ROR1: variants seen among roughly 807,000 people sequenced by gnomAD.
ROR1 encodes the protein inactive tyrosine-protein kinase transmembrane receptor ROR1.
In ROR1, 19 loss-of-function variants were observed where a neutral mutation model predicts 78.8. The ratio of observed to expected loss-of-function variants is 0.24; its 90% confidence interval spans 0.17 to 0.35. The LOEUF (loss-of-function observed/expected upper bound fraction) is 0.35, where lower values mean the gene tolerates loss of function less well. Among genes scored for constraint, ROR1 ranks in the 10% least tolerant of loss-of-function variants. The probability of loss-of-function intolerance (pLI) is 1.00; values close to 1 mark genes in which losing one functional copy is unlikely to be tolerated. For missense variants in ROR1, 917 were observed against 1,177.8 expected (o/e 0.78, Z 3.24); for synonymous variants, 386 against 433.6 (o/e 0.89, Z 1.36).
chr1:64,025,857 C>G (rs1646604868), intron 2 of ROR1, among the ~76,000 whole-genome samples: 1 of 152,078 alleles, frequency 6.6e-6, no homozygotes, highest in African/African-American at 2.4e-5. Flanking sequence ...ACTCTGGAGA[C>G]TTGGGGGAAA....
chr1:64,005,984 G>T (rs867620633), intron 1 of ROR1, among the ~76,000 whole-genome samples: 1 of 152,126 alleles, frequency 6.6e-6, no homozygotes, highest in African/African-American at 2.4e-5. Flanking sequence ...TACAGCCCAA[G>T]AACTGAGTGG....
At chr1:64,029,064 C>T (rs1374099333) in intron 2 of ROR1, 1 of 151,950 alleles carries the variant, frequency 6.6e-6, no homozygotes, top group African/African-American at 2.4e-5. Flanking sequence ...TGTCTTGTTT[C>T]AGTACTAGTT....
chr1:64,045,912 A>T (rs1386853255), intron 2 of ROR1, among the ~76,000 whole-genome samples: 1 of 152,146 alleles, frequency 6.6e-6, no homozygotes, highest in Non-Finnish European at 1.5e-5. Flanking sequence ...CCATCTTGAC[A>T]TTTGCAGTCT....
intron 4 of ROR1, among the ~76,000 whole-genome samples, chr1:64,077,680 G>A (rs561563263): frequency 3.9e-5 from 6 of 152,362 alleles, no homozygotes; most frequent in East Asian, 3.9e-4. Flanking sequence ...GATCCAGCAC[G>A]GTGGTTCTCC....
intron 1 of ROR1, among the ~76,000 whole-genome samples, chr1:63,949,671 G>C (rs777675265): frequency 4.6e-5 from 7 of 151,950 alleles, no homozygotes; most frequent in Non-Finnish European, 1.0e-4. Flanking sequence ...AGGTGCAAAG[G>C]GCTTAGTAAT....
intron 1 of ROR1, among the ~76,000 whole-genome samples, chr1:63,874,872 A>ATT (rs145591831): frequency 1.3e-5 from 2 of 151,588 alleles, no homozygotes; most frequent in African/African-American, 4.8e-5. Flanking sequence ...CATTTCATCA[A>ATT]TTTTTTTTTG....
At chr1:63,808,436 A>G (rs1395025464) in intron 1 of ROR1, among the ~76,000 whole-genome samples, 3 of 152,210 alleles carry the variant, frequency 2.0e-5, no homozygotes, top group African/African-American at 4.8e-5. Flanking sequence ...TACATGAGAG[A>G]CAAATATACT....
At position 64,159,202 on chromosome 1, in the gene ROR1, GCA is replaced by G; in HGVS notation, c.1386+11_1386+12del. On this transcript the variant is annotated intron_variant, in intron 8 of 8. Transcript: ENST00000371079. ...TGCATATAAACCCAAGGTAATGTTA[GCA>G]GTACAGAGCTACATTTGTTCCGTGG... is the stretch of plus-strand genomic sequence containing the variant. 1 of 1,590,650 alleles carries G rather than the reference GCA, an allele frequency of 6.3e-7. No individual in the cohort carries two copies. Among genetic ancestry groups the G allele is most frequent in the Non-Finnish European group, 8.6e-7 (1 of 1,158,652 alleles).
At chr1:64,107,674 TG>T (rs968668998) in intron 4 of ROR1, among the ~76,000 whole-genome samples, 7 of 2,012 alleles carry the variant, frequency 3.5e-3, no homozygotes, top group South Asian at 0.033. Context: ...AAGATTGTAT[TG>T]GTTTTTTTTT....
chr1:64,032,485 T>G (rs1211615590), intron 2 of ROR1, among the ~76,000 whole-genome samples: 3 of 152,140 alleles, frequency 2.0e-5, no homozygotes, highest in African/African-American at 7.2e-5. Flanking sequence ...GACACTACTT[T>G]GGAATAATGT....
chr1:64,036,327 T>A (rs1044105874), intron 2 of ROR1, among the ~76,000 whole-genome samples: 2 of 152,120 alleles, frequency 1.3e-5, no homozygotes, highest in Non-Finnish European at 2.9e-5. Flanking sequence ...GGGTACATGT[T>A]TTTTGTCCTC....
intron 1 of ROR1, among the ~76,000 whole-genome samples, chr1:63,889,800 G>T (rs183533259): frequency 4.6e-5 from 7 of 152,208 alleles, no homozygotes; most frequent in African/African-American, 9.6e-5. Flanking sequence ...CAGTAGTATT[G>T]CAATTGTGGG....
At chr1:64,143,199 C>G in intron 7 of ROR1, 1 of 989,328 alleles carries the variant, frequency 1.0e-6, no homozygotes, top group South Asian at 4.6e-5. Context: ...GTTAACTGTT[C>G]CTTTTTCTAG....
intron 3 of ROR1, among the ~76,000 whole-genome samples, chr1:64,050,392 C>T (rs1646819005): frequency 6.6e-6 from 1 of 152,122 alleles, no homozygotes. Context: ...ACCACTCAGC[C>T]CATTGGAAAC....
intron 4 of ROR1, among the ~76,000 whole-genome samples, chr1:64,064,315 A>G (rs1185714191): frequency 1.3e-5 from 2 of 152,194 alleles, no homozygotes; most frequent in Non-Finnish European, 2.9e-5. Flanking sequence ...AGTCATGAGA[A>G]GATGCTTCCA....
Position 63,954,115 on chromosome 1 carries a change from A to G in ROR1, c.92-55190A>G, listed in dbSNP as rs138184221. Reference sequence around the variant, plus strand: ...TTGCTATAACAAAGACTCCCAGATAACAGTGACATATGTAAGAGAGATGTC... The same window carrying G: ...TTGCTATAACAAAGACTCCCAGATAGCAGTGACATATGTAAGAGAGATGTC... On this transcript the variant is annotated intron_variant, in intron 1 of 8. Coordinates refer to ENST00000371079, the MANE Select transcript of ROR1 (RefSeq NM_005012.4). Among the ~76,000 whole-genome samples the G allele has an allele frequency of 2.2e-4, 34 of 152,364 alleles. No homozygotes were observed. In the East Asian group the frequency reaches 6.2e-3, roughly 28 times the overall value.
At chr1:63,825,823 TA>T (rs1644949722) in intron 1 of ROR1, among the ~76,000 whole-genome samples, 1 of 152,198 alleles carries the variant, frequency 6.6e-6, no homozygotes, top group African/African-American at 2.4e-5. Context: ...CCATATTCAG[TA>T]GGTTCAATTT....
intron 1 of ROR1, among the ~76,000 whole-genome samples, chr1:63,857,496 A>G (rs1380569754): frequency 1.3e-5 from 2 of 152,170 alleles, no homozygotes; most frequent in Non-Finnish European, 2.9e-5. Context: ...TGCCTTTTCC[A>G]TGTTGGATGT....
intron 5 of ROR1, 39 bp from the exon 6 acceptor site, chr1:64,140,070 C>T (rs769278373): frequency 5.7e-6 from 9 of 1,583,396 alleles, no homozygotes; most frequent in Non-Finnish European, 7.8e-6. Flanking sequence ...GAAGATAAAC[C>T]CTGGCCTCTG....
Sources: gnomAD v4.1 joint callset for allele counts (sites outside exome capture counted in the v4.1 genomes callset) on GRCh38, gnomAD v4.1.1 for gene constraint, MANE v1.5 for transcripts, NCBI Gene and HGNC (gene_info 2026-07-23, HGNC 2026-07-21) for gene names.